HACL1: variants seen among roughly 807,000 people sequenced by gnomAD.
The protein encoded by HACL1 is 1600020H07Rik.
In HACL1, 64 loss-of-function variants were observed where a neutral mutation model predicts 74.2. The observed-to-expected ratio is 0.86, with a 90% CI of 0.70 to 1.06. HACL1 has a LOEUF of 1.06. HACL1 is among the 50% of genes least tolerant of loss of function. HACL1 has a pLI of 0.00. For synonymous variants in HACL1, 230 were observed against 238.8 expected (o/e 0.96, Z 0.34); for missense variants, 728 against 719.7 (o/e 1.01, Z -0.13).
intron 9 of HACL1, among the ~76,000 whole-genome samples, chr3:15,576,154 CAAAAAAAAAAAA>C (rs1185744343): frequency 1.6e-5 from 1 of 62,482 alleles, no homozygotes; most frequent in Admixed American, 1.9e-4. Flanking sequence ...GACTCTGTCT[CAAAAAAAAAAAA>C]AAAAAAAAAA....
intron 3 of HACL1, among the ~76,000 whole-genome samples, chr3:15,592,058 ATATATACGTATATACG>A (rs2063915106): frequency 5.0e-4 from 7 of 13,924 alleles, no homozygotes; most frequent in African/African-American, 2.0e-3. Flanking sequence ...CTATATACGT[ATATATACGTATATACG>A]TATACGTATA....
At chr3:15,580,296 A>G (rs2063698329) in intron 8 of HACL1, among the ~76,000 whole-genome samples, 1 of 152,114 alleles carries the variant, frequency 6.6e-6, no homozygotes, top group South Asian at 2.1e-4. Flanking sequence ...GCACTCAGCT[A>G]CTTTTAAAAT....
At chr3:15,596,243 G>A (rs944832200) in intron 3 of HACL1, 141 bp downstream of exon 3, 6 of 619,978 alleles carry the variant, frequency 9.7e-6, no homozygotes, top group Non-Finnish European at 1.8e-5. Context: ...GGTCCTCAGA[G>A]AGTTTTAAAT....
chr3:15,567,805 C>G, intron 14 of HACL1, 39 bp downstream of exon 14: 2 of 1,578,226 alleles, frequency 1.3e-6, no homozygotes, highest in Non-Finnish European at 1.7e-6. Context: ...TTTTCATATT[C>G]TAGAGAATCA....
chr3:15,562,182 TAAAAA>T (rs1313976645), intron 16 of HACL1, among the ~76,000 whole-genome samples: 2 of 152,094 alleles, frequency 1.3e-5, no homozygotes, highest in Non-Finnish European at 2.9e-5. Flanking sequence ...AAATAGAACT[TAAAAA>T]AAGAAAAGGC....
intron 2 of HACL1, among the ~76,000 whole-genome samples, chr3:15,596,803 G>A (rs976448392): frequency 2.6e-5 from 4 of 151,794 alleles, no homozygotes; most frequent in Non-Finnish European, 5.9e-5. Context: ...TTAGTTCTTC[G>A]AAAATTTTTG....
At chr3:15,588,611 A>G (rs529831904) in intron 5 of HACL1, among the ~76,000 whole-genome samples, 6 of 150,754 alleles carry the variant, frequency 4.0e-5, no homozygotes, top group African/African-American at 1.4e-4. Flanking sequence ...AAAAAAAAAG[A>G]AAGAAAGAAA....
intron 11 of HACL1, among the ~76,000 whole-genome samples, chr3:15,572,207 A>T (rs547029894): frequency 2.6e-5 from 4 of 152,348 alleles, no homozygotes; most frequent in African/African-American, 9.6e-5. Context: ...CTATACGGCC[A>T]TACTACCCTT....
chr3:15,591,967 G>GTA (rs766032136), intron 3 of HACL1, among the ~76,000 whole-genome samples: 8 of 148,060 alleles, frequency 5.4e-5, no homozygotes, highest in East Asian at 2.0e-4. Context: ...TATACATAGT[G>GTA]TATATATATA....
intron 5 of HACL1, among the ~76,000 whole-genome samples, chr3:15,587,889 T>C (rs1245821227): frequency 6.6e-6 from 1 of 152,196 alleles, no homozygotes; most frequent in African/African-American, 2.4e-5. Context: ...TGTCTAATGA[T>C]TTTATTTATG....
intron 12 of HACL1, among the ~76,000 whole-genome samples, chr3:15,570,940 G>T (rs147341213): frequency 6.1e-4 from 91 of 148,532 alleles, no homozygotes; most frequent in African/African-American, 2.1e-3. Context: ...CTCAACCCAA[G>T]ATTTAAGGAT....
At chr3:15,599,709 T>C (rs2064146352) in intron 2 of HACL1, among the ~76,000 whole-genome samples, 1 of 152,190 alleles carries the variant, frequency 6.6e-6, no homozygotes, top group Non-Finnish European at 1.5e-5. Context: ...GTGAGAGTTA[T>C]AATAGATGAG....
chr3:15,568,039 G>A (rs776315362), intron 13 of HACL1, 37 bp from the exon 14 acceptor site: 21 of 1,586,374 alleles, frequency 1.3e-5, no homozygotes, highest in Non-Finnish European at 1.7e-5. Context: ...ACCCTCTGGG[G>A]CATGTCATAG....
At chr3:15,578,960 G>A (rs919973319) in intron 9 of HACL1, among the ~76,000 whole-genome samples, 1 of 152,232 alleles carries the variant, frequency 6.6e-6, no homozygotes, top group African/African-American at 2.4e-5. Flanking sequence ...GTATGAACCA[G>A]TACATGTCTG....
At chr3:15,583,014 TAA>T (rs760578788) in intron 7 of HACL1, 25 bp from the exon 8 acceptor site, 6 of 1,067,600 alleles carry the variant, frequency 5.6e-6, no homozygotes, top group African/African-American at 4.8e-5. Context: ...CCCTATTAAT[TAA>T]AAGAGGCCAA....
rs371170479 is a variant in HACL1 at position 15,560,829 on chromosome 3, A to C, written c.*36T>G. ...GAAAATAAAATTTCATCTTGCAAGAAAGAGAAAACTCAAGACCACCAACTG... is the reference window on the plus strand; with the variant it reads ...GAAAATAAAATTTCATCTTGCAAGACAGAGAAAACTCAAGACCACCAACTG... On this transcript the variant is annotated 3_prime_UTR_variant, in exon 17 of 17. Coordinates refer to ENST00000321169, the MANE Select transcript of HACL1 (RefSeq NM_012260.4). The C allele has an allele frequency of 6.8e-6, 10 of 1,474,826 alleles. No homozygotes were observed. In the African/African-American group the frequency reaches 1.4e-4, roughly 21 times the overall value. The allele number at this position is 1,474,826 out of a possible 1,614,324, so 91.4% of individuals were successfully genotyped here.
chr3:15,592,109 A>G (rs1344136570), intron 3 of HACL1, among the ~76,000 whole-genome samples: 1 of 143,956 alleles, frequency 6.9e-6, no homozygotes, highest in Non-Finnish European at 1.5e-5. Context: ...ATACGTATAT[A>G]TACACACTAT....
chr3:15,601,456 T>C lies in HACL1; in HGVS notation c.8A>G (p.Asp3Gly), dbSNP rs773917314. The part of the protein sequence containing the change: MP[D>G]SNFAERSEEQ... The stretch of plus-strand genomic sequence containing the variant: ...CTCGCTGCGCTCTGCGAAGTTACTG[T>C]CCGGCATCTTCCACCGAAAAGCTCT... The change falls in exon 1 of 17, where the codon GAC becomes GGC. Residue 3 changes from aspartate to glycine, a missense_variant. Transcript: ENST00000321169. The C allele has an allele frequency of 1.3e-5, 21 of 1,613,154 alleles. No homozygotes were observed. In the East Asian group the frequency reaches 4.5e-4, roughly 34 times the overall value.
intron 16 of HACL1, among the ~76,000 whole-genome samples, chr3:15,562,495 ATC>A (rs2063359969): frequency 6.6e-6 from 1 of 152,222 alleles, no homozygotes; most frequent in Non-Finnish European, 1.5e-5. Context: ...TTATCCAGGT[ATC>A]TGTTTACCCA....
Sources: allele counts gnomAD v4.1 joint callset (sites outside exome capture counted in the v4.1 genomes callset), GRCh38; gene constraint gnomAD v4.1.1; transcripts MANE v1.5; gene names NCBI Gene and HGNC (gene_info 2026-07-23, HGNC 2026-07-21).